Variants in PKP4 observed in about 807,000 individuals in gnomAD.
PKP4 encodes the protein plakophilin-4.
A neutral mutation model predicts 145.1 loss-of-function variants in PKP4; 90 were observed. The observed-to-expected ratio is 0.62, with a 90% confidence interval of 0.52 to 0.74. PKP4 has a LOEUF of 0.74. Ranked by LOEUF, PKP4 falls within the 30% of genes least tolerant of loss-of-function variation. The pLI is 0.00. For missense variants in PKP4, 1,340 were observed against 1,482.7 expected (o/e 0.90, Z 1.58); for synonymous variants, 563 against 577.2 (o/e 0.98, Z 0.35).
chr2:158,458,164 GC>G (rs1485862689), intron 1 of PKP4: 1 of 152,918 alleles, frequency 6.5e-6, no homozygotes, highest in Admixed American at 6.5e-5. Flanking sequence ...CGCGCTGCCG[GC>G]TCCTGGGCTG....
chr2:158,532,743 C>T, intron 1 of PKP4, among the ~76,000 whole-genome samples: 1 of 152,210 alleles, frequency 6.6e-6, no homozygotes, highest in African/African-American at 2.4e-5. Context: ...AGAAACCAAG[C>T]TAGCTATAGG....
In PKP4 at chr2:158,625,147, C is replaced by T; in HGVS notation, c.873C>T (p.Val291=). The T allele has an allele frequency of 1.2e-6, 2 of 1,614,162 alleles. No homozygotes were observed. The highest frequency in any genetic ancestry group is 2.2e-5 in the South Asian group (2 of 91,086). ...CAGCTATACGGCGGATTGGGTCAGT[C>T]ACCTCCCGGCAGACCTCCAATCCCA... ...SPTAIRRIGS[V]TSRQTSNPNG... Residue 291 remains valine (V), a synonymous_variant, in exon 7 of 22, where the codon GTC becomes GTT. Transcript: ENST00000389759.
At chr2:158,653,162 T>A (rs1279904130) in intron 11 of PKP4, among the ~76,000 whole-genome samples, 1 of 152,218 alleles carries the variant, frequency 6.6e-6, no homozygotes, top group African/African-American at 2.4e-5. Context: ...GGTTTAAGAT[T>A]GTCTTTCATA....
chr2:158,649,023 A>C (rs2105947603), intron 11 of PKP4, among the ~76,000 whole-genome samples: 1 of 152,326 alleles, frequency 6.6e-6, no homozygotes, highest in African/African-American at 2.4e-5. Context: ...TCACAACAGA[A>C]ACATTCCCTT....
At chr2:158,651,598 G>A (rs1391255311) in intron 11 of PKP4, among the ~76,000 whole-genome samples, 2 of 151,924 alleles carry the variant, frequency 1.3e-5, no homozygotes, top group Non-Finnish European at 1.5e-5. Flanking sequence ...GAAGAGCTCT[G>A]CACCCCAAAC....
At chr2:158,489,163 T>G (rs1157040499) in intron 1 of PKP4, among the ~76,000 whole-genome samples, 2 of 152,234 alleles carry the variant, frequency 1.3e-5, no homozygotes, top group Non-Finnish European at 2.9e-5. Flanking sequence ...GTCATTTTTT[T>G]TTCCTTCAGA....
intron 1 of PKP4, among the ~76,000 whole-genome samples, chr2:158,532,102 G>A (rs918140236): frequency 6.6e-6 from 1 of 152,142 alleles, no homozygotes; most frequent in African/African-American, 2.4e-5. Context: ...AAATTTGAGG[G>A]AATGGGGTAA....
intron 11 of PKP4, among the ~76,000 whole-genome samples, chr2:158,649,802 C>G (rs2055183188): frequency 1.3e-5 from 2 of 152,176 alleles, no homozygotes; most frequent in Admixed American, 1.3e-4. Flanking sequence ...AGACGTCCTA[C>G]AAATGCAAGA....
In PKP4 at chr2:158,621,248, A is replaced by T. The variant is rs773421518; in HGVS notation, c.430A>T (p.Arg144Ter). 6.2e-7 allele frequency: 1 copy of T among 1,614,216 alleles called. No individual in the cohort carries two copies. The highest frequency in any genetic ancestry group is 8.5e-7 in the Non-Finnish European group (1 of 1,180,008). Residue 144 changes from arginine to a stop codon, truncating the protein, a stop_gained, in exon 6 of 22, where the codon AGA becomes TGA. Transcript: ENST00000389759. LOFTEE classifies it high-confidence loss of function. ...HESEGSLGNS[R>*]SSTQMNSYSD... The stretch of plus-strand genomic sequence containing the variant: ...TCTTACAGGATCATTGGGTAACTCA[A>T]GAAGTTCAACACAAATGAATTCTTA...
At chr2:158,541,247 A>G (rs909040996) in intron 2 of PKP4, among the ~76,000 whole-genome samples, 6 of 152,106 alleles carry the variant, frequency 3.9e-5, no homozygotes, top group Admixed American at 1.3e-4. Context: ...CTAAATTGCC[A>G]TTTTTGTTAC....
chr2:158,562,107 A>G (rs559307221), intron 2 of PKP4, among the ~76,000 whole-genome samples: 39 of 152,218 alleles, frequency 2.6e-4, no homozygotes, highest in Non-Finnish European at 5.4e-4. Context: ...TTGATGGGAA[A>G]AGAAGCCAGG....
At chr2:158,462,463 G>A (rs1236930558) in intron 1 of PKP4, among the ~76,000 whole-genome samples, 1 of 151,848 alleles carries the variant, frequency 6.6e-6, no homozygotes, top group Non-Finnish European at 1.5e-5. Flanking sequence ...ATGGCAACAA[G>A]GAAGTTGAAT....
At chr2:158,483,562 G>C (rs564870260) in intron 1 of PKP4, among the ~76,000 whole-genome samples, 1 of 152,188 alleles carries the variant, frequency 6.6e-6, no homozygotes, top group South Asian at 2.1e-4. Context: ...GACCATCAGT[G>C]TGGCAGGTTG....
chr2:158,577,086 A>G (rs1169716145), intron 2 of PKP4, among the ~76,000 whole-genome samples, 185 bp from the exon 3 acceptor site: 1 of 152,186 alleles, frequency 6.6e-6, no homozygotes, highest in African/African-American at 2.4e-5. Flanking sequence ...TATTGCCTTT[A>G]GATTTGAAAA....
At chr2:158,606,348 A>C (rs893574246) in intron 4 of PKP4, among the ~76,000 whole-genome samples, 1 of 152,052 alleles carries the variant, frequency 6.6e-6, no homozygotes, top group Non-Finnish European at 1.5e-5. Flanking sequence ...CAAAAAAAAA[A>C]ATAATAATAA....
At chr2:158,515,724 C>G (rs966586000) in intron 1 of PKP4, among the ~76,000 whole-genome samples, 2 of 151,968 alleles carry the variant, frequency 1.3e-5, no homozygotes, top group Non-Finnish European at 2.9e-5. Flanking sequence ...AAGTATGTTC[C>G]TCAGAATGTT....
At chr2:158,521,623 A>G (rs1049579772) in intron 1 of PKP4, among the ~76,000 whole-genome samples, 9 of 152,220 alleles carry the variant, frequency 5.9e-5, no homozygotes, top group East Asian at 5.8e-4. Flanking sequence ...TTATGTTTCT[A>G]TTTCTAGGAT....
Position 158,508,710 on chromosome 2 carries a change from G to T in PKP4, c.-5-24470G>T, listed in dbSNP as rs147164051. On this transcript the variant is annotated intron_variant, in intron 1 of 21. Coordinates refer to ENST00000389759, the MANE Select transcript of PKP4 (RefSeq NM_003628.6). Reference sequence around the variant, plus strand: ...ACCTCTGATGTTCAAAATTACATATGTTGCTGTAATTCTTATGAATTGTGA... The same window carrying T: ...ACCTCTGATGTTCAAAATTACATATTTTGCTGTAATTCTTATGAATTGTGA... Among the ~76,000 whole-genome samples, 727 of 152,296 alleles carry T rather than the reference G, an allele frequency of 4.8e-3. 5 individuals are homozygous for T. In the Middle Eastern group the frequency reaches 0.051, roughly 11 times the overall value.
At chr2:158,493,441 T>A (rs1365885217) in intron 1 of PKP4, among the ~76,000 whole-genome samples, 1 of 152,142 alleles carries the variant, frequency 6.6e-6, no homozygotes, top group African/African-American at 2.4e-5. Context: ...TCTCACACCC[T>A]CCTTTAGCCT....
Sources: allele counts gnomAD v4.1 joint callset (sites outside exome capture counted in the v4.1 genomes callset), GRCh38; gene constraint gnomAD v4.1.1; transcripts MANE v1.5; gene names NCBI Gene and HGNC (gene_info 2026-07-23, HGNC 2026-07-21).